Variants in DMRT1 observed in about 807,000 individuals in gnomAD.
DMRT1 encodes doublesex and mab-3 related transcription factor 1.
In DMRT1, 7 loss-of-function variants were observed where a neutral mutation model predicts 32.3. The ratio of observed to expected loss-of-function variants is 0.22; its 90% CI spans 0.12 to 0.41. DMRT1 has a LOEUF of 0.41. DMRT1 is among the 10% of genes least tolerant of loss of function. The pLI, the probability that DMRT1 is intolerant of heterozygous loss-of-function variation, is 1.00. For synonymous variants in DMRT1, 278 were observed against 206.1 expected, an observed-to-expected ratio of 1.35 and a Z score of -2.99; for missense variants, 625 against 500.5, an observed-to-expected ratio of 1.25 and a Z score of -2.37.
chr9:874,288 G>C (rs147219196), intron 2 of DMRT1, among the ~76,000 whole-genome samples: 1 of 152,208 alleles, frequency 6.6e-6, no homozygotes, highest in Non-Finnish European at 1.5e-5. Flanking sequence ...CAGAATATCA[G>C]GATCATTTGA....
intron 3 of DMRT1, among the ~76,000 whole-genome samples, chr9:899,918 C>T (rs948376276): frequency 6.6e-6 from 1 of 152,214 alleles, no homozygotes; most frequent in African/African-American, 2.4e-5. Flanking sequence ...TAGGGTGTGG[C>T]CAAATGGCAG....
In DMRT1 at chr9:843,168, A is replaced by C. The variant is rs1838761834; in HGVS notation, c.354+976A>C. On this transcript the variant is annotated intron_variant, in intron 1 of 4. Transcript: ENST00000382276. ...CTGAGTTGCACTTAAATTAGAAAGG[A>C]TCTTGGAGGGCGGCAGCGCTGGCTG... Among the ~76,000 whole-genome samples the C allele has an allele frequency of 1.3e-5, 2 of 152,172 alleles. 1 individual carries two copies. Among genetic ancestry groups the C allele is most frequent in the Non-Finnish European group, 2.9e-5 (2 of 68,026 alleles).
At chr9:962,148 C>T (rs772733712) in intron 4 of DMRT1, among the ~76,000 whole-genome samples, 2 of 152,142 alleles carry the variant, frequency 1.3e-5, no homozygotes, top group South Asian at 2.1e-4. Context: ...GTTTGGATTG[C>T]GTGTATCACC....
intron 3 of DMRT1, among the ~76,000 whole-genome samples, chr9:906,583 G>T (rs972099204): frequency 5.3e-5 from 8 of 152,136 alleles, no homozygotes; most frequent in African/African-American, 1.7e-4. Context: ...AGTAGCAAAG[G>T]TTAATTAAGT....
Position 876,375 on chromosome 9 carries a change from T to G in DMRT1, c.539-17537T>G, listed in dbSNP as rs1223260280. Among the ~76,000 whole-genome samples, 3 of 152,072 alleles carry G rather than the reference T, an allele frequency of 2.0e-5. No homozygotes were observed. In the East Asian group the frequency reaches 5.8e-4, roughly 29 times the overall value. On this transcript the variant is annotated intron_variant, in intron 2 of 4. Transcript: ENST00000382276. ...CACTGCCTTACCTGACATTCCCTGC[T>G]GAAAAGGGGAAAAGGCCTAGACCAT...
At chr9:959,612 C>T (rs1271177575) in intron 4 of DMRT1, among the ~76,000 whole-genome samples, 2 of 152,208 alleles carry the variant, frequency 1.3e-5, no homozygotes, top group Non-Finnish European at 2.9e-5. Context: ...CACTGCCACT[C>T]TGCCTCCTGG....
chr9:899,365 C>G (rs1474477002), intron 3 of DMRT1, among the ~76,000 whole-genome samples: 1 of 152,116 alleles, frequency 6.6e-6, no homozygotes, highest in Non-Finnish European at 1.5e-5. Flanking sequence ...TGCAAGCCTC[C>G]CTATAAAAAC....
At chr9:865,582 G>C (rs930550419) in intron 2 of DMRT1, among the ~76,000 whole-genome samples, 1 of 152,108 alleles carries the variant, frequency 6.6e-6, no homozygotes, top group Non-Finnish European at 1.5e-5. Flanking sequence ...AATGAGCCCG[G>C]ATATGATTTA....
intron 3 of DMRT1, among the ~76,000 whole-genome samples, chr9:903,126 T>C (rs557257448): frequency 6.6e-6 from 1 of 152,280 alleles, no homozygotes; most frequent in Admixed American, 6.5e-5. Flanking sequence ...GCAACATAAT[T>C]CCTCATTAGG....
At chr9:864,408 G>T (rs1815868953) in intron 2 of DMRT1, among the ~76,000 whole-genome samples, 1 of 151,416 alleles carries the variant, frequency 6.6e-6, no homozygotes, top group Non-Finnish European at 1.5e-5. Flanking sequence ...GACCAGGCTG[G>T]TCTTGAACTC....
intron 3 of DMRT1, among the ~76,000 whole-genome samples, chr9:909,544 C>T (rs1817897861): frequency 6.6e-6 from 1 of 152,084 alleles, no homozygotes; most frequent in South Asian, 2.1e-4. Flanking sequence ...GGGTAAAAGT[C>T]AACCCCAGCC....
chr9:951,334 G>C (rs1473664109), intron 4 of DMRT1, among the ~76,000 whole-genome samples: 1 of 152,146 alleles, frequency 6.6e-6, no homozygotes, highest in Admixed American at 6.5e-5. Context: ...ACTTTGAAAG[G>C]CTAAGCCTCT....
rs767833519 is a variant in DMRT1, at chr9:960,345, C to CT, written c.968-7633dup. 2.0e-5 allele frequency among the ~76,000 whole-genome samples: 3 copies of CT among 152,204 alleles called. No individual in the cohort carries two copies. In the South Asian group the frequency reaches 6.2e-4, roughly 31 times the overall value. ...TTCAGAGGTGTTGGGTGTGTTGTCA[C>CT]TTTTTTTCCTTTCTCAACCAATGTT... On this transcript the variant is annotated intron_variant, in intron 4 of 4. Transcript: ENST00000382276.
chr9:867,582 A>T (rs1197134576), intron 2 of DMRT1, among the ~76,000 whole-genome samples: 1 of 152,246 alleles, frequency 6.6e-6, no homozygotes, highest in East Asian at 1.9e-4. Context: ...ATGTTTTTCC[A>T]ATTATAGGGA....
chr9:885,297 G>T (rs188724835), intron 2 of DMRT1, among the ~76,000 whole-genome samples: 2 of 152,182 alleles, frequency 1.3e-5, no homozygotes, highest in Non-Finnish European at 2.9e-5. Context: ...CAAGGATAGA[G>T]GGCTTTCTGT....
rs34467202 is a variant in DMRT1 at position 934,023 on chromosome 9, G to GA, written c.967+17129dup. Among the ~76,000 whole-genome samples the GA allele has an allele frequency of 2.2e-3, 314 of 140,706 alleles. 2 individuals are homozygous for GA. Among genetic ancestry groups the GA allele is most frequent in the East Asian group, 0.013 (61 of 4,758 alleles). The allele number at this position is 140,706 out of a possible 152,430, so 92.3% of individuals were successfully genotyped here. A position where few individuals can be genotyped will look rare whatever the true frequency, so the allele number is the denominator to read the frequency against. On this transcript the variant is annotated intron_variant, in intron 4 of 4. Coordinates refer to ENST00000382276, the MANE Select transcript of DMRT1 (RefSeq NM_021951.3). The stretch of plus-strand genomic sequence containing the variant: ...GACCTAACCTGTGATGCACACTTAA[G>GA]AAAAAAAAAAAAAGATGATGAAAGT...
At chr9:893,215 G>A (rs972541047) in intron 2 of DMRT1, among the ~76,000 whole-genome samples, 1 of 152,226 alleles carries the variant, frequency 6.6e-6, no homozygotes, top group African/African-American at 2.4e-5. Flanking sequence ...GATGACTTAG[G>A]AATTCATTTA....
chr9:952,201 G>A (rs1033073046), intron 4 of DMRT1, among the ~76,000 whole-genome samples: 36 of 152,324 alleles, frequency 2.4e-4, no homozygotes, highest in African/African-American at 8.2e-4. Flanking sequence ...CTCGAACAGT[G>A]CTGGGCACAG....
chr9:932,444 A>T (rs1382304735), intron 4 of DMRT1, among the ~76,000 whole-genome samples: 2 of 152,192 alleles, frequency 1.3e-5, no homozygotes, highest in Non-Finnish European at 2.9e-5. Context: ...GAACTATCTA[A>T]TGTCTATATA....
Sources: allele counts gnomAD v4.1 joint callset (sites outside exome capture counted in the v4.1 genomes callset), GRCh38; gene constraint gnomAD v4.1.1; transcripts MANE v1.5; gene names NCBI Gene and HGNC (gene_info 2026-07-23, HGNC 2026-07-21).